CALN1: variants seen among roughly 807,000 people sequenced by gnomAD.
The protein encoded by CALN1 is calneuron 1.
A neutral mutation model predicts 30.6 loss-of-function variants in CALN1; 17 were observed. The observed-to-expected ratio is 0.56, with a 90% CI of 0.38 to 0.83. CALN1 has a LOEUF of 0.83. CALN1 is among the 40% of genes least tolerant of loss of function. The pLI, the probability that CALN1 is intolerant of heterozygous loss-of-function variation, is 0.00. For missense variants in CALN1, 291 were observed against 354.9 expected (o/e 0.82, Z 1.45); for synonymous variants, 156 against 131.4 (o/e 1.19, Z -1.28).
intron 3 of CALN1, among the ~76,000 whole-genome samples, chr7:72,186,305 T>C (rs532352911): frequency 2.0e-5 from 3 of 151,722 alleles, no homozygotes; most frequent in African/African-American, 7.3e-5. Flanking sequence ...AATGGACAGG[T>C]GGGAAAAGGG....
At chr7:71,794,080 T>C (rs895961252) in intron 6 of CALN1, among the ~76,000 whole-genome samples, 2 of 152,122 alleles carry the variant, frequency 1.3e-5, no homozygotes, top group African/African-American at 4.8e-5. Context: ...GGTTGCATAG[T>C]GGCAGATACC....
chr7:71,819,523 G>T (rs1163530861), intron 5 of CALN1, among the ~76,000 whole-genome samples: 1 of 152,178 alleles, frequency 6.6e-6, no homozygotes, highest in Non-Finnish European at 1.5e-5. Flanking sequence ...CAAGTGTACA[G>T]TTCTGTGGCA....
intron 5 of CALN1, among the ~76,000 whole-genome samples, chr7:71,905,456 G>A (rs1794084624): frequency 6.6e-6 from 1 of 150,946 alleles, no homozygotes; most frequent in African/African-American, 2.4e-5. Flanking sequence ...ACTCAACTCA[G>A]GATTATATTA....
At chr7:72,311,231 T>A (rs1448485509) in intron 2 of CALN1, among the ~76,000 whole-genome samples, 1 of 152,178 alleles carries the variant, frequency 6.6e-6, no homozygotes, top group Non-Finnish European at 1.5e-5. Flanking sequence ...TATGGTTTCC[T>A]TAATAACATT....
At chr7:71,867,045 G>A (rs568121320) in intron 5 of CALN1, among the ~76,000 whole-genome samples, 49 of 151,958 alleles carry the variant, frequency 3.2e-4, no homozygotes, top group African/African-American at 1.0e-3. Context: ...CTCAGGCAGC[G>A]GAGGCAGGGG....
intron 4 of CALN1, among the ~76,000 whole-genome samples, chr7:72,044,081 C>T (rs1221591456): frequency 2.6e-5 from 4 of 151,956 alleles, no homozygotes; most frequent in East Asian, 1.9e-4. Flanking sequence ...TCCCACAACA[C>T]GCGGGAATTC....
intron 5 of CALN1, among the ~76,000 whole-genome samples, chr7:72,020,044 T>C (rs1417983235): frequency 6.6e-6 from 1 of 152,152 alleles, no homozygotes; most frequent in African/African-American, 2.4e-5. Context: ...GGTGAAAAGC[T>C]ACTTTTCCTA....
intron 3 of CALN1, among the ~76,000 whole-genome samples, chr7:72,209,382 T>C (rs1191344277): frequency 2.8e-5 from 1 of 35,512 alleles, no homozygotes; most frequent in Non-Finnish European, 4.5e-5. Context: ...CCTTCCCTCC[T>C]TCCCTCTTTC....
intron 3 of CALN1, among the ~76,000 whole-genome samples, chr7:72,213,247 G>A (rs140904970): frequency 0.011 from 1,681 of 152,282 alleles, 36 homozygotes; most frequent in African/African-American, 0.039. Flanking sequence ...AAGTTGTCCG[G>A]GACAGTCCAC....
the CALN1 span, among the ~76,000 whole-genome samples, chr7:72,487,945 GGAAGGAAGGAAA>G: frequency 2.8e-5 from 2 of 71,392 alleles, no homozygotes; most frequent in East Asian, 3.5e-4. Context: ...AAGGAAGGAA[GGAAGGAAGGAAA>G]GGAAGGAAGG....
At chr7:71,908,475 T>A (rs551799714) in intron 5 of CALN1, among the ~76,000 whole-genome samples, 1 of 152,188 alleles carries the variant, frequency 6.6e-6, no homozygotes, top group African/African-American at 2.4e-5. Flanking sequence ...TGGAGAAAGA[T>A]CAAACCTAAA....
At chr7:72,018,325 C>T (rs1800514248) in intron 5 of CALN1, among the ~76,000 whole-genome samples, 2 of 152,034 alleles carry the variant, frequency 1.3e-5, no homozygotes, top group Admixed American at 1.3e-4. Flanking sequence ...AGGAAGCCTA[C>T]CCCCCAGTCC....
intron 4 of CALN1, among the ~76,000 whole-genome samples, chr7:72,089,779 C>G (rs902135066): frequency 7.4e-4 from 113 of 152,224 alleles, no homozygotes; most frequent in African/African-American, 2.7e-3. Context: ...AAAATACAAA[C>G]TGTTGGAAGT....
chr7:72,191,368 G>A (rs942436289), intron 3 of CALN1, among the ~76,000 whole-genome samples: 8 of 151,996 alleles, frequency 5.3e-5, no homozygotes, highest in African/African-American at 1.4e-4. Flanking sequence ...TTGGGAGGGC[G>A]ACGCAGGTGG....
intron 2 of CALN1, among the ~76,000 whole-genome samples, chr7:72,366,711 G>C (rs533892843): frequency 1.3e-5 from 2 of 152,094 alleles, no homozygotes; most frequent in South Asian, 2.1e-4. Context: ...AGTCTCACTT[G>C]TTTAATGACT....
chr7:71,950,327 C>T (rs1796626160), intron 5 of CALN1, among the ~76,000 whole-genome samples: 1 of 152,120 alleles, frequency 6.6e-6, no homozygotes, highest in Non-Finnish European at 1.5e-5. Flanking sequence ...CAGAGGGACT[C>T]ATTCAAGGTC....
chr7:72,451,515 G>GGTCC (rs1285059632), upstream of CALN1, among the ~76,000 whole-genome samples: 1 of 152,124 alleles, frequency 6.6e-6, no homozygotes, highest in Non-Finnish European at 1.5e-5. Context: ...GGGCCCCTAG[G>GGTCC]GTCCTGTGGG....
rs574592981 is a variant in CALN1 at position 72,335,339 on chromosome 7, G to C, written c.120-56529C>G. ...AAATAATTTCCCTTTTTGAGCAAAAGTCATCAGTTAAAGAAGCAGAACCTG... is the reference window on the plus strand; with the variant it reads ...AAATAATTTCCCTTTTTGAGCAAAACTCATCAGTTAAAGAAGCAGAACCTG... On this transcript the variant is annotated intron_variant, in intron 2 of 6. Coordinates refer to ENST00000395275, the MANE Select transcript of CALN1 (RefSeq NM_031468.4). 7.2e-5 allele frequency among the ~76,000 whole-genome samples: 11 copies of C among 152,276 alleles called. No homozygotes were observed. The South Asian group carries it at 2.1e-3, about 29-fold the overall frequency.
chr7:71,973,977 GC>G (rs919112338), intron 5 of CALN1, among the ~76,000 whole-genome samples: 1 of 152,128 alleles, frequency 6.6e-6, no homozygotes, highest in Non-Finnish European at 1.5e-5. Flanking sequence ...CTGTAATAAA[GC>G]CCCATTTCTT....
Sources: gnomAD v4.1 joint callset for allele counts (sites outside exome capture counted in the v4.1 genomes callset) on GRCh38, gnomAD v4.1.1 for gene constraint, MANE v1.5 for transcripts, NCBI Gene and HGNC (gene_info 2026-07-23, HGNC 2026-07-21) for gene names.